Variants in LAMA2 observed in about 807,000 individuals in gnomAD.
The protein encoded by LAMA2 is laminin subunit alpha-2.
Under a neutral mutation model 364.8 loss-of-function variants are expected in LAMA2, and 269 were observed. The ratio of observed to expected loss-of-function variants is 0.74; its 90% CI spans 0.67 to 0.82. LAMA2 has a LOEUF of 0.82. LAMA2 is among the 40% of genes least tolerant of loss of function. The pLI is 0.00. For synonymous variants in LAMA2, 1,379 were observed against 1,370.6 expected, an observed-to-expected ratio of 1.01 and a Z score of -0.14; for missense variants, 3,807 against 3,873.2, an observed-to-expected ratio of 0.98 and a Z score of 0.45.
chr6:129,374,579 CTTT>C (rs10586725), intron 34 of LAMA2, among the ~76,000 whole-genome samples: 3 of 140,726 alleles, frequency 2.1e-5, no homozygotes, highest in African/African-American at 5.2e-5. Flanking sequence ...TACTGCCAAT[CTTT>C]TTTTTTTTTT....
rs111541637 is a variant in LAMA2 at position 129,127,674 on chromosome 6, C to T, written c.640-16227C>T. ...GGATTCTGTTTTTTCCATATTCTCG[C>T]CAACATTTGTTATCTTCTTTTTGAT... On this transcript the variant is annotated intron_variant, in intron 4 of 64. Coordinates refer to ENST00000421865, the MANE Select transcript of LAMA2 (RefSeq NM_000426.4). Among the ~76,000 whole-genome samples, 1,050 of 152,260 alleles carry T rather than the reference C, an allele frequency of 6.9e-3. 15 individuals are homozygous for T. Among genetic ancestry groups the T allele is most frequent in the African/African-American group, 0.024 (1,009 of 41,554 alleles).
At chr6:128,906,382 C>T (rs1777469934) in intron 1 of LAMA2, among the ~76,000 whole-genome samples, 2 of 130,344 alleles carry the variant, frequency 1.5e-5, no homozygotes, top group South Asian at 5.8e-4. Flanking sequence ...TCTCTGATGG[C>T]CAGTGATGAT....
At chr6:129,069,186 C>T (rs1406417844) in intron 3 of LAMA2, among the ~76,000 whole-genome samples, 2 of 151,604 alleles carry the variant, frequency 1.3e-5, no homozygotes, top group East Asian at 3.9e-4. Context: ...ATGTTGAAAC[C>T]ACATGAATTC....
At chr6:129,190,019 G>C (rs1477289910) in intron 10 of LAMA2, among the ~76,000 whole-genome samples, 186 bp from the exon 11 acceptor site, 1 of 152,168 alleles carries the variant, frequency 6.6e-6, no homozygotes, top group East Asian at 1.9e-4. Flanking sequence ...TCTCACCAGT[G>C]TAATTAGAAA....
At chr6:129,195,821 A>G (rs1415512758) in intron 12 of LAMA2, among the ~76,000 whole-genome samples, 1 of 152,222 alleles carries the variant, frequency 6.6e-6, no homozygotes, top group East Asian at 1.9e-4. Context: ...ACAGCTATTC[A>G]GAAACAGTTT....
chr6:128,929,353 AC>A, intron 1 of LAMA2: 1 of 1,079,326 alleles, frequency 9.3e-7, no homozygotes, highest in South Asian at 1.2e-5. Context: ...CTGGGGTGAG[AC>A]CTCGAGAGAA....
At chr6:129,262,827 C>T (rs1025422212) in intron 15 of LAMA2, among the ~76,000 whole-genome samples, 1 of 152,108 alleles carries the variant, frequency 6.6e-6, no homozygotes, top group East Asian at 1.9e-4. Context: ...ACGCCAAAGA[C>T]CATTAATGTC....
At chr6:128,903,070 G>T (rs903467506) in intron 1 of LAMA2, among the ~76,000 whole-genome samples, 1 of 151,906 alleles carries the variant, frequency 6.6e-6, no homozygotes, top group Non-Finnish European at 1.5e-5. Flanking sequence ...TCATATATTA[G>T]AGTGTTAAAT....
At chr6:128,889,290 A>G (rs546459138) in intron 1 of LAMA2, among the ~76,000 whole-genome samples, 1 of 152,340 alleles carries the variant, frequency 6.6e-6, no homozygotes, top group Non-Finnish European at 1.5e-5. Flanking sequence ...TAAAGTTTAG[A>G]CACAATTGTT....
intron 8 of LAMA2, among the ~76,000 whole-genome samples, chr6:129,163,084 T>C (rs1442988486): frequency 2.0e-5 from 3 of 152,190 alleles, no homozygotes; most frequent in Non-Finnish European, 1.5e-5. Context: ...ATTCCACATT[T>C]AGGAAATTTT....
In LAMA2 at chr6:129,293,189, A is replaced by G. The variant is rs915668091; in HGVS notation, c.2856+1469A>G. On this transcript the variant is annotated intron_variant, in intron 20 of 64. Transcript: ENST00000421865. ...CTAAGTGTGCAAATTGCAAATGCAA[A>G]GATTAGACAATTCCTAATTGAACCC... is the stretch of plus-strand genomic sequence containing the variant. The G allele has an allele frequency of 2.9e-5, 16 of 551,420 alleles. No homozygotes were observed. The African/African-American group carries it at 3.1e-4, about 11-fold the overall frequency. The allele number at this position is 551,420 out of a possible 1,614,324, so 34.2% of individuals were successfully genotyped here. A position where few individuals can be genotyped will look rare whatever the true frequency, so the allele number is the denominator to read the frequency against.
chr6:129,493,271 T>C (rs993991429), intron 58 of LAMA2, among the ~76,000 whole-genome samples: 2 of 152,214 alleles, frequency 1.3e-5, no homozygotes, highest in Non-Finnish European at 2.9e-5. Context: ...AACTATTTTA[T>C]AGTATTGGAG....
At chr6:129,453,929 G>T (rs1441346327) in intron 46 of LAMA2, among the ~76,000 whole-genome samples, 1 of 145,646 alleles carries the variant, frequency 6.9e-6, no homozygotes, top group Non-Finnish European at 1.5e-5. Flanking sequence ...TAACAAACAT[G>T]CCTGAGCATT....
intron 58 of LAMA2, among the ~76,000 whole-genome samples, chr6:129,497,551 A>AAG (rs1277909483): frequency 6.6e-6 from 1 of 152,190 alleles, no homozygotes; most frequent in African/African-American, 2.4e-5. Context: ...TTAGCTTTTT[A>AAG]AGAGTTGTTA....
chr6:128,929,500 G>A, intron 1 of LAMA2: 3 of 851,272 alleles, frequency 3.5e-6, no homozygotes, highest in Middle Eastern at 2.2e-4. Flanking sequence ...ATGGTATGCC[G>A]ACCAGATCGA....
At chr6:129,039,179 T>C (rs1383801592) in intron 1 of LAMA2, among the ~76,000 whole-genome samples, 1 of 152,126 alleles carries the variant, frequency 6.6e-6, no homozygotes, top group African/African-American at 2.4e-5. Context: ...CTAAGTAATA[T>C]ACGGACACCA....
At position 128,934,757 on chromosome 6, in the gene LAMA2, C is replaced by T. The variant is rs144065073; in HGVS notation, c.112+51400C>T. Among the ~76,000 whole-genome samples the T allele has an allele frequency of 5.0e-3, 762 of 152,238 alleles. 8 individuals are homozygous for T. Among genetic ancestry groups the T allele is most frequent in the Non-Finnish European group, 8.1e-3 (554 of 68,016 alleles). On this transcript the variant is annotated intron_variant, in intron 1 of 64. Transcript: ENST00000421865. ...CTCCTGACCTCAGGTAATCTGCCCA[C>T]CTCAGCCTCCCAAAGTGCTGGGATT...
chr6:129,197,773 G>A (rs569787016), intron 12 of LAMA2, among the ~76,000 whole-genome samples: 28 of 152,154 alleles, frequency 1.8e-4, no homozygotes, highest in African/African-American at 6.7e-4. Flanking sequence ...AAAAATCAAG[G>A]ACTCATTTAT....
At chr6:129,448,951 T>C (rs1209066159) in intron 45 of LAMA2, among the ~76,000 whole-genome samples, 1 of 152,180 alleles carries the variant, frequency 6.6e-6, no homozygotes, top group African/African-American at 2.4e-5. Flanking sequence ...TCTAGAGATA[T>C]AGTATTTTGA....
Sources: gnomAD v4.1 joint callset for allele counts (sites outside exome capture counted in the v4.1 genomes callset) on GRCh38, gnomAD v4.1.1 for gene constraint, MANE v1.5 for transcripts, NCBI Gene and HGNC (gene_info 2026-07-23, HGNC 2026-07-21) for gene names.